Variants in RAD21L1 observed in about 807,000 individuals in gnomAD.
RAD21L1 encodes the protein RAD21 cohesin complex component like 1.
RAD21L1 carries 47 observed loss-of-function variants against 69.0 expected under a neutral mutation model. The ratio of observed to expected loss-of-function variants is 0.68; its 90% confidence interval spans 0.54 to 0.87. The LOEUF is 0.87. RAD21L1 is among the 40% of genes least tolerant of loss of function. The pLI, the probability that RAD21L1 is intolerant of heterozygous loss-of-function variation, is 0.00. For missense variants in RAD21L1, 583 were observed against 647.6 expected, an observed-to-expected ratio of 0.90 and a Z score of 1.08; for synonymous variants, 177 against 205.8, an observed-to-expected ratio of 0.86 and a Z score of 1.20.
At chr20:1,252,847 C>T (rs770706770) in intron 13 of RAD21L1, among the ~76,000 whole-genome samples, 1 of 152,198 alleles carries the variant, frequency 6.6e-6, no homozygotes, top group Non-Finnish European at 1.5e-5. Context: ...CTCTACTCTA[C>T]TAAGTCAGTT....
intron 10 of RAD21L1, among the ~76,000 whole-genome samples, chr20:1,243,508 T>A (rs547560802): frequency 6.6e-6 from 1 of 152,310 alleles, no homozygotes; most frequent in South Asian, 2.1e-4. Flanking sequence ...AAAGAAAATC[T>A]TTATATCTAG....
At chr20:1,244,292 G>T in intron 11 of RAD21L1, 122 bp downstream of exon 11, 1 of 728,866 alleles carries the variant, frequency 1.4e-6, no homozygotes, top group South Asian at 3.1e-5. Context: ...AAATTGTTTT[G>T]CAATTTGTTT....
intron 13 of RAD21L1, among the ~76,000 whole-genome samples, chr20:1,251,162 G>A (rs1276609820): frequency 6.6e-6 from 1 of 152,148 alleles, no homozygotes; most frequent in Non-Finnish European, 1.5e-5. Flanking sequence ...GTGATTGATT[G>A]TCTCTAGATG....
At chr20:1,253,548 C>T (rs573640627) in intron 13 of RAD21L1, among the ~76,000 whole-genome samples, 3 of 152,308 alleles carry the variant, frequency 2.0e-5, no homozygotes, top group South Asian at 4.1e-4. Flanking sequence ...CTGCCCTCCT[C>T]GGCCTCCCAA....
chr20:1,243,023 G>T, intron 9 of RAD21L1, 74 bp from the exon 10 acceptor site: 1 of 1,012,688 alleles, frequency 9.9e-7, no homozygotes, highest in Non-Finnish European at 1.4e-6. Flanking sequence ...TTCCTTTTTA[G>T]ATATGTGCTT....
rs2087892873 is a variant in RAD21L1, at chr20:1,254,290, C to T, written c.1501C>T (p.Gln501Ter). Residue 501 changes from glutamine to a stop codon, truncating the protein, a stop_gained, in exon 14 of 14, where the codon CAG becomes TAG. Transcript: ENST00000683101. LOFTEE classifies it high-confidence loss of function. ...CCAGGAATCTAACAAGATGGGAATG[C>T]AGTCCTTTAGTCTGATGAAGCTCTG... ...RLRESNKMGM[Q>*]SFSLMKLCRN... The T allele has an allele frequency of 1.3e-6, 2 of 1,526,514 alleles. No homozygotes were observed. Among genetic ancestry groups the T allele is most frequent in the African/African-American group, 1.4e-5 (1 of 72,280 alleles). The allele number at this position is 1,526,514 out of a possible 1,614,324, so 94.6% of individuals were successfully genotyped here. A position where few individuals can be genotyped will look rare whatever the true frequency, so the allele number is the denominator to read the frequency against.
intron 8 of RAD21L1, 70 bp from the exon 9 acceptor site, chr20:1,242,549 A>G: frequency 1.7e-6 from 2 of 1,205,786 alleles, no homozygotes; most frequent in Admixed American, 2.0e-5. Context: ...TTTCTTAAGT[A>G]TTTAGTGCCT....
At chr20:1,234,805 C>T (rs1007824368) in intron 5 of RAD21L1, among the ~76,000 whole-genome samples, 3 of 152,140 alleles carry the variant, frequency 2.0e-5, no homozygotes, top group Non-Finnish European at 4.4e-5. Context: ...GGTTGGAATG[C>T]ATGATCATGG....
At chr20:1,248,767 G>T in intron 13 of RAD21L1, 64 bp downstream of exon 13, 2 of 919,598 alleles carry the variant, frequency 2.2e-6, no homozygotes, top group Non-Finnish European at 3.3e-6. Flanking sequence ...CTGACTTCAA[G>T]CTTCCATATA....
chr20:1,239,429 T>C (rs1453070721), intron 7 of RAD21L1, 22 bp downstream of exon 7: 1 of 1,338,014 alleles, frequency 7.5e-7, no homozygotes, highest in East Asian at 2.5e-5. Flanking sequence ...TTTTCCTTTA[T>C]GAGAAAGTAA....
rs2122191111 is a variant in RAD21L1, at chr20:1,255,459, T to TA, written c.*1003dup. Reference sequence around the variant, plus strand: ...ATACACTGTCAAATGAAGCCTATGGTACTCATTAAAATGTTGTTATATCTG... The same window carrying TA: ...ATACACTGTCAAATGAAGCCTATGGTAACTCATTAAAATGTTGTTATATCTG... On this transcript the variant is annotated 3_prime_UTR_variant, in exon 14 of 14. Coordinates refer to ENST00000683101, the MANE Select transcript of RAD21L1 (RefSeq NM_001384355.1). 6.6e-6 allele frequency among the ~76,000 whole-genome samples: 1 copy of TA among 152,332 alleles called. No individual in the cohort carries two copies. Among genetic ancestry groups the TA allele is most frequent in the South Asian group, 2.1e-4 (1 of 4,830 alleles).
chr20:1,249,755 C>T (rs1203878129), intron 13 of RAD21L1, among the ~76,000 whole-genome samples: 1 of 152,178 alleles, frequency 6.6e-6, no homozygotes, highest in African/African-American at 2.4e-5. Context: ...CTAGCAGCTG[C>T]TGCCATAAAG....
At chr20:1,240,521 A>G (rs748600968) in intron 8 of RAD21L1, 87 bp downstream of exon 8, 40 of 1,465,860 alleles carry the variant, frequency 2.7e-5, no homozygotes, top group Non-Finnish European at 3.6e-5. Context: ...CTGAAATATT[A>G]TAGGAGATAG....
At position 1,229,939 on chromosome 20, in the gene RAD21L1, C is replaced by G; in HGVS notation, c.204C>G (p.Asn68Lys). The change falls in exon 3 of 14, where the codon AAC (asparagine) becomes AAG (lysine). Residue 68 changes from asparagine (N) to lysine (K), a missense_variant. Transcript: ENST00000683101. Reference protein sequence around the residue: ...HLLLGVVRIYNRKAKYLLADC... With the variant: ...HLLLGVVRIYKRKAKYLLADC... ...TTTTGGGAGTTGTTCGAATCTATAA[C>G]AGGAAGGCAAAATATCTTTTGGCAG... 1.9e-6 allele frequency: 3 copies of G among 1,550,238 alleles called. No individual in the cohort carries two copies. Among genetic ancestry groups the G allele is most frequent in the Non-Finnish European group, 2.6e-6 (3 of 1,145,714 alleles).
At chr20:1,229,737 G>T in intron 2 of RAD21L1, 143 bp from the exon 3 acceptor site, 1 of 581,790 alleles carries the variant, frequency 1.7e-6, no homozygotes. Flanking sequence ...TGCAAGGTAA[G>T]GTAAAAAGTG....
In RAD21L1 at chr20:1,243,104, CA is replaced by C; in HGVS notation, c.1095del (p.Lys365AsnfsTer14). ...LIHAELKMLF[T>X]KCFLSSGFKL... ...AAATGTGTATTTTTACAGTTGTTTA[CA>C]AAATGCTTTCTGTCCTCTGGCTTTA... On this transcript the variant is annotated frameshift_variant, in exon 10 of 14. Coordinates refer to ENST00000683101, the MANE Select transcript of RAD21L1 (RefSeq NM_001384355.1). LOFTEE classifies it high-confidence loss of function. The C allele has an allele frequency of 1.3e-6, 2 of 1,518,904 alleles. No homozygotes were observed. The highest frequency in any genetic ancestry group is 1.8e-6 in the Non-Finnish European group (2 of 1,133,912). The allele number at this position is 1,518,904 out of a possible 1,614,324, so 94.1% of individuals were successfully genotyped here.
chr20:1,241,256 A>G (rs962358729), intron 8 of RAD21L1, among the ~76,000 whole-genome samples: 2 of 152,226 alleles, frequency 1.3e-5, no homozygotes, highest in Non-Finnish European at 2.9e-5. Flanking sequence ...TCAGGAAGAT[A>G]AATAGTCATG....
At position 1,243,161 on chromosome 20, in the gene RAD21L1, CAGTA is replaced by C. The variant is rs1161797105; in HGVS notation, c.1151_1154del (p.Val384GlyfsTer9). The C allele has an allele frequency of 5.9e-6, 9 of 1,537,836 alleles. No homozygotes were observed. The highest frequency in any genetic ancestry group is 1.2e-5 in the South Asian group (1 of 81,418). Reference sequence around the variant, plus strand: ...GGAAGAAAAATGATACAGAAGGAGTCAGTAAGGGAAGAAGTGGGAAACCAAAATA... The same window carrying C: ...GGAAGAAAAATGATACAGAAGGAGTCAGGGAAGAAGTGGGAAACCAAAATA... On this transcript the variant is annotated frameshift_variant, in exon 10 of 14. Coordinates refer to ENST00000683101, the MANE Select transcript of RAD21L1 (RefSeq NM_001384355.1). LOFTEE classifies it high-confidence loss of function.
rs1267800293 is a variant in RAD21L1 at position 1,248,583 on chromosome 20, T to C, written c.1402-43T>C. The C allele has an allele frequency of 2.5e-6, 3 of 1,204,190 alleles. No individual in the cohort carries two copies. The South Asian group carries it at 4.2e-5, about 17-fold the overall frequency. The allele number at this position is 1,204,190 out of a possible 1,614,324, so 74.6% of individuals were successfully genotyped here. A position where few individuals can be genotyped will look rare whatever the true frequency, so the allele number is the denominator to read the frequency against. On this transcript the variant is annotated intron_variant, in intron 12 of 13. Transcript: ENST00000683101. ...TGATGGGCAAATAGTCAGCATTTAG[T>C]AAAATTTGCTTAAATTAAATATTTT... is the stretch of plus-strand genomic sequence containing the variant.
Sources: allele counts gnomAD v4.1 joint callset (sites outside exome capture counted in the v4.1 genomes callset), GRCh38; gene constraint gnomAD v4.1.1; transcripts MANE v1.5; gene names NCBI Gene and HGNC (gene_info 2026-07-23, HGNC 2026-07-21).